CAPRIN1: variants seen among roughly 807,000 people sequenced by gnomAD.
CAPRIN1 encodes the protein caprin-1.
A neutral mutation model predicts 100.9 loss-of-function variants in CAPRIN1; 29 were observed. The ratio of observed to expected loss-of-function variants is 0.29; its 90% CI spans 0.21 to 0.39. The LOEUF (loss-of-function observed/expected upper bound fraction) is 0.39. Among genes scored for constraint, CAPRIN1 ranks in the 10% least tolerant of loss-of-function variants. The probability of loss-of-function intolerance (pLI) is 1.00; values close to 1 mark genes in which losing one functional copy is unlikely to be tolerated. For missense variants in CAPRIN1, 795 were observed against 876.7 expected, an observed-to-expected ratio of 0.91 and a Z score of 1.18; for synonymous variants, 338 against 307.5, an observed-to-expected ratio of 1.10 and a Z score of -1.04.
chr11:34,059,494 T>C (rs1351750922), intron 2 of CAPRIN1, among the ~76,000 whole-genome samples: 1 of 152,222 alleles, frequency 6.6e-6, no homozygotes, highest in Non-Finnish European at 1.5e-5. Context: ...GGTCTTGAAC[T>C]CCTGACCTTG....
chr11:34,057,844 G>A (rs1252910624), intron 2 of CAPRIN1, among the ~76,000 whole-genome samples: 11 of 151,946 alleles, frequency 7.2e-5, no homozygotes, highest in Non-Finnish European at 1.0e-4. Flanking sequence ...TTAGCCTCCT[G>A]AGTAGCTGGG....
chr11:34,053,278 T>C (rs1468150282), intron 2 of CAPRIN1: 1 of 382,184 alleles, frequency 2.6e-6, no homozygotes, highest in African/African-American at 2.2e-5. Context: ...TTTCCCTCTT[T>C]GTTTCAATTG....
At chr11:34,055,933 G>A (rs1211500386) in intron 2 of CAPRIN1, 1 of 152,062 alleles carries the variant, frequency 6.6e-6, no homozygotes, top group African/African-American at 2.4e-5. Context: ...AAAAACCCAG[G>A]GCATTTGGAT....
At chr11:34,081,619 G>T (rs921720695) in intron 7 of CAPRIN1, among the ~76,000 whole-genome samples, 1 of 151,868 alleles carries the variant, frequency 6.6e-6, no homozygotes, top group Non-Finnish European at 1.5e-5. Context: ...TTAGCCTCTC[G>T]AGTAGCTGGG....
At chr11:34,096,444 T>A in intron 15 of CAPRIN1, 35 bp from the exon 16 acceptor site, 1 of 1,523,396 alleles carries the variant, frequency 6.6e-7, no homozygotes, top group Non-Finnish European at 9.1e-7. Flanking sequence ...TAATGAGCTG[T>A]TTATGTATAT....
At chr11:34,069,131 A>C (rs574936457) in intron 2 of CAPRIN1, among the ~76,000 whole-genome samples, 1 of 151,424 alleles carries the variant, frequency 6.6e-6, no homozygotes, top group African/African-American at 2.4e-5. Flanking sequence ...ATCCTAAATC[A>C]TAAATTCAAA....
intron 4 of CAPRIN1, among the ~76,000 whole-genome samples, chr11:34,075,704 G>A (rs1169506864): frequency 4.6e-5 from 7 of 152,192 alleles, no homozygotes; most frequent in Non-Finnish European, 8.8e-5. Flanking sequence ...GAGCTAGATT[G>A]AGGTAAGATT....
intron 18 of CAPRIN1, chr11:34,098,835 T>G: frequency 1.0e-6 from 1 of 985,498 alleles, no homozygotes; most frequent in Non-Finnish European, 1.2e-6. Flanking sequence ...ATGTAGTTTC[T>G]TTTTAACAGT....
At chr11:34,060,159 G>C (rs1850545580) in intron 2 of CAPRIN1, among the ~76,000 whole-genome samples, 2 of 120,462 alleles carry the variant, frequency 1.7e-5, no homozygotes, top group African/African-American at 6.5e-5. Context: ...TCGCGCCACT[G>C]TTCTTTAGCC....
Position 34,090,517 on chromosome 11 carries a change from C to A in CAPRIN1, c.1405-12C>A, listed in dbSNP as rs376211004. Reference sequence around the variant, plus strand: ...TTTACCGCTAAAGTGCATCTATTCACTTTGTGTTTAGGCAACAATCTCTTT... The same window carrying A: ...TTTACCGCTAAAGTGCATCTATTCAATTTGTGTTTAGGCAACAATCTCTTT... On this transcript the variant is annotated splice_polypyrimidine_tract_variant and intron_variant, in intron 13 of 18. Coordinates refer to ENST00000341394, the MANE Select transcript of CAPRIN1 (RefSeq NM_005898.5). 39 of 1,608,454 alleles carry A rather than the reference C, an allele frequency of 2.4e-5. No homozygotes were observed. The South Asian group carries it at 4.1e-4, about 17-fold the overall frequency.
At chr11:34,081,834 C>G (rs1228142716) in intron 7 of CAPRIN1, among the ~76,000 whole-genome samples, 1 of 151,592 alleles carries the variant, frequency 6.6e-6, no homozygotes, top group African/African-American at 2.4e-5. Flanking sequence ...ACAGGGGGCA[C>G]TGAGTCTCAC....
chr11:34,053,146 CTCT>C, intron 2 of CAPRIN1: 2 of 988,654 alleles, frequency 2.0e-6, no homozygotes, highest in Non-Finnish European at 1.2e-6. Context: ...CGAGCGTCCC[CTCT>C]TCTTCCGTAG....
chr11:34,052,310 G>C, intron 1 of CAPRIN1, 111 bp from the exon 2 acceptor site: 1 of 918,284 alleles, frequency 1.1e-6, no homozygotes, highest in East Asian at 2.8e-5. Context: ...ACCCGCTCGC[G>C]TAGGCTACCG....
intron 12 of CAPRIN1, 155 bp from the exon 13 acceptor site, chr11:34,090,024 A>G (rs531445468): frequency 7.2e-4 from 339 of 467,734 alleles, no homozygotes; most frequent in African/African-American, 6.5e-3. Context: ...TAGGTTTTAT[A>G]TTATACAAAT....
chr11:34,098,094 C>T, intron 18 of CAPRIN1: 3 of 1,026,842 alleles, frequency 2.9e-6, no homozygotes, highest in Non-Finnish European at 3.5e-6. Context: ...TTTTGTAAGA[C>T]ATTTTTGGAA....
rs368995107 is a variant in CAPRIN1 at position 34,096,476 on chromosome 11, T to C, written c.1706-3T>C. 8.8e-5 allele frequency: 141 copies of C among 1,610,962 alleles called. No homozygotes were observed. The highest frequency in any genetic ancestry group is 1.1e-4 in the Non-Finnish European group (133 of 1,177,838). On this transcript the variant is annotated splice_polypyrimidine_tract_variant and splice_region_variant and intron_variant, in intron 15 of 18. Transcript: ENST00000341394. ...ATATATCTTTTTCTTTTTTAAATTA[T>C]AGTGGTTGGCACTTACCATGGTTCC... is the stretch of plus-strand genomic sequence containing the variant.
chr11:34,071,620 C>CAA, intron 2 of CAPRIN1, 106 bp from the exon 3 acceptor site: 2 of 813,464 alleles, frequency 2.5e-6, no homozygotes, highest in Non-Finnish European at 3.9e-6. Flanking sequence ...TTATTTAAGT[C>CAA]AAAATTTGAG....
At chr11:34,075,169 ACT>A (rs1850882265) in intron 4 of CAPRIN1, among the ~76,000 whole-genome samples, 1 of 152,006 alleles carries the variant, frequency 6.6e-6, no homozygotes, top group East Asian at 1.9e-4. Context: ...TATTCTGCAC[ACT>A]CTGTTACCAT....
intron 2 of CAPRIN1, 114 bp from the exon 3 acceptor site, chr11:34,071,608 GTTTA>G (rs1850805560): frequency 5.5e-6 from 4 of 732,948 alleles, no homozygotes; most frequent in African/African-American, 1.8e-5. Context: ...TATCTTAAAA[GTTTA>G]TTTAAGTCAA....
Sources: allele counts gnomAD v4.1 joint callset (sites outside exome capture counted in the v4.1 genomes callset), GRCh38; gene constraint gnomAD v4.1.1; transcripts MANE v1.5; gene names NCBI Gene and HGNC (gene_info 2026-07-23, HGNC 2026-07-21).